PRKAA1: variants seen among roughly 807,000 people sequenced by gnomAD.
The protein encoded by PRKAA1 is protein kinase AMP-activated catalytic subunit alpha 1, also known as 5'-AMP-activated protein kinase catalytic subunit alpha-1.
In PRKAA1, 23 loss-of-function variants were observed where a neutral mutation model predicts 56.9. That is an observed-to-expected ratio of 0.40 (90% CI 0.29 to 0.57). PRKAA1 has a LOEUF of 0.57. Among genes scored for constraint, PRKAA1 ranks in the 20% least tolerant of loss-of-function variants. The probability of loss-of-function intolerance (pLI) is 0.39; values close to 1 mark genes in which losing one functional copy is unlikely to be tolerated. For synonymous variants in PRKAA1, 226 were observed against 227.0 expected (o/e 1.00, Z 0.04); for missense variants, 413 against 679.7 (o/e 0.61, Z 4.36).
At chr5:40,795,458 ACAT>A (rs1381574223) in intron 1 of PRKAA1, among the ~76,000 whole-genome samples, 3 of 152,174 alleles carry the variant, frequency 2.0e-5, no homozygotes, top group Non-Finnish European at 2.9e-5. Flanking sequence ...TTGCACACAC[ACAT>A]CAAAGGGTGG....
chr5:40,771,939 T>A (rs1378681986), intron 3 of PRKAA1, 76 bp from the exon 4 acceptor site: 4 of 1,509,532 alleles, frequency 2.6e-6, no homozygotes, highest in African/African-American at 2.8e-5. Flanking sequence ...CTCCAACCTA[T>A]AAAATTGTCA....
chr5:40,785,878 A>AGAGAGAGGGAGAGAGAGC (rs1454892834), intron 1 of PRKAA1, among the ~76,000 whole-genome samples: 19 of 149,154 alleles, frequency 1.3e-4, no homozygotes, highest in African/African-American at 4.4e-4. Flanking sequence ...AGAGAGAGAG[A>AGAGAGAGGGAGAGAGAGC]GCAAGCGAGC....
At chr5:40,789,035 A>G (rs1744611781) in intron 1 of PRKAA1, among the ~76,000 whole-genome samples, 1 of 151,954 alleles carries the variant, frequency 6.6e-6, no homozygotes, top group Non-Finnish European at 1.5e-5. Flanking sequence ...ACACAGTGAG[A>G]CCTTGTCTCT....
chr5:40,769,439 A>G lies in PRKAA1; in HGVS notation c.573T>C (p.Ala191=), dbSNP rs1473180048. The change falls in exon 5 of 9, where the codon GCT becomes GCC. Residue 191 remains alanine, a synonymous_variant. Transcript: ENST00000397128. ...LRTSCGSPNY[A]APEVISGRLY... ...ACCTTCCTGAAATTACTTCTGGTGC[A>G]GCATAGTTGGGTGAGCCACAACTTG... 2.5e-6 allele frequency: 4 copies of G among 1,610,532 alleles called. No homozygotes were observed. Among genetic ancestry groups the G allele is most frequent in the Non-Finnish European group, 3.4e-6 (4 of 1,177,682 alleles).
chr5:40,775,923 TAGAG>T (rs977543939), intron 2 of PRKAA1, among the ~76,000 whole-genome samples: 2 of 151,974 alleles, frequency 1.3e-5, no homozygotes, highest in African/African-American at 4.8e-5. Flanking sequence ...CGAGGAATAT[TAGAG>T]AGAAATAGGA....
chr5:40,797,918 G>T (rs985454473), intron 1 of PRKAA1, 145 bp downstream of exon 1: 15 of 1,399,642 alleles, frequency 1.1e-5, no homozygotes, highest in Non-Finnish European at 1.3e-5. Context: ...CGGCGGCTGG[G>T]GAGAGCTCCC....
At chr5:40,785,589 T>TC (rs985494311) in intron 1 of PRKAA1, among the ~76,000 whole-genome samples, 1 of 151,766 alleles carries the variant, frequency 6.6e-6, no homozygotes, top group African/African-American at 2.4e-5. Context: ...TAAAAGTTAC[T>TC]CAAAAACTAA....
Position 40,769,384 on chromosome 5 carries a change from T to A in PRKAA1, c.596+32A>T, listed in dbSNP as rs969171873. The stretch of plus-strand genomic sequence containing the variant: ...TCTAGGAGAAAAAGACAATTTCAAA[T>A]GTATTGAGGGAGGCAGGGTATCAAA... On this transcript the variant is annotated intron_variant, in intron 5 of 8. Coordinates refer to ENST00000397128, the MANE Select transcript of PRKAA1 (RefSeq NM_006251.6). 4 of 1,485,608 alleles carry A rather than the reference T, an allele frequency of 2.7e-6. No homozygotes were observed. The African/African-American group carries it at 5.6e-5, about 21-fold the overall frequency. The allele number at this position is 1,485,608 out of a possible 1,614,324, so 92.0% of individuals were successfully genotyped here. A position where few individuals can be genotyped will look rare whatever the true frequency, so the allele number is the denominator to read the frequency against.
At chr5:40,784,346 T>C (rs1744383012) in intron 1 of PRKAA1, among the ~76,000 whole-genome samples, 1 of 152,142 alleles carries the variant, frequency 6.6e-6, no homozygotes, top group African/African-American at 2.4e-5. Flanking sequence ...CCCATTCCCA[T>C]ATACTTCAAT....
At chr5:40,771,578 T>C (rs1743749288) in intron 4 of PRKAA1, 141 bp downstream of exon 4, 4 of 783,072 alleles carry the variant, frequency 5.1e-6, no homozygotes, top group African/African-American at 1.8e-5. Context: ...TGTATCTTCA[T>C]AGACAAAACA....
At chr5:40,765,912 T>C (rs1743411160) in intron 6 of PRKAA1, among the ~76,000 whole-genome samples, 2 of 152,058 alleles carry the variant, frequency 1.3e-5, no homozygotes, top group Non-Finnish European at 2.9e-5. Context: ...ACCTGAACTA[T>C]GTCACTTTGC....
intron 6 of PRKAA1, among the ~76,000 whole-genome samples, chr5:40,766,748 C>T (rs1194511136): frequency 6.6e-6 from 1 of 152,090 alleles, no homozygotes; most frequent in Admixed American, 6.6e-5. Context: ...CCTGTAATCC[C>T]AACACTGGGA....
rs1439339072 is a variant in PRKAA1, at chr5:40,765,251, T to C, written c.822-13A>G. The C allele has an allele frequency of 6.3e-6, 10 of 1,596,894 alleles. No individual in the cohort carries two copies. The highest frequency in any genetic ancestry group is 2.3e-5 in the South Asian group (2 of 87,934). On this transcript the variant is annotated splice_polypyrimidine_tract_variant and intron_variant, in intron 6 of 8. Transcript: ENST00000397128. ...CCATTCATGTTCCCTGAGAGAAAAA[T>C]GGCAGGATCAGGAGAAGGACTTTGA...
At chr5:40,793,312 C>T (rs185916523) in intron 1 of PRKAA1, among the ~76,000 whole-genome samples, 1 of 151,948 alleles carries the variant, frequency 6.6e-6, no homozygotes, top group Admixed American at 6.6e-5. Context: ...AAAAAAGATG[C>T]CTTGGAAACA....
Position 40,777,506 on chromosome 5 carries a change from C to G in PRKAA1, c.208G>C (p.Gly70Arg), listed in dbSNP as rs1744066385. ...RQKIRSLDVV[G>R]KIRREIQNLK... ...TTCTGAATTTCTCTGCGGATTTTTC[C>G]TACCACATCAAGGCTCCGAATCTTC... The change falls in exon 2 of 9, where the codon GGA becomes CGA. Residue 70 changes from glycine to arginine, a missense_variant. By Grantham distance (125) the Gly-to-Arg change is moderately radical. This residue lies in a region of PRKAA1 where 16 missense variants were observed against 30.9 expected (regional missense o/e 0.52). Transcript: ENST00000397128. The G allele has an allele frequency of 1.2e-6, 2 of 1,613,594 alleles. No individual in the cohort carries two copies. Among genetic ancestry groups the G allele is most frequent in the African/African-American group, 2.7e-5 (2 of 74,910 alleles).
chr5:40,764,746 T>A lies in PRKAA1; in HGVS notation c.1308+6A>T. On this transcript the variant is annotated splice_donor_region_variant and intron_variant, in intron 7 of 8. Coordinates refer to ENST00000397128, the MANE Select transcript of PRKAA1 (RefSeq NM_006251.6). ...GCTAATAATCAAAATGTTATTTCTT[T>A]CTTACCTTCCATTCATAATCCAATT... 1 of 1,606,596 alleles carries A rather than the reference T, an allele frequency of 6.2e-7. No homozygotes were observed. Among genetic ancestry groups the A allele is most frequent in the Middle Eastern group, 1.7e-4 (1 of 6,026 alleles).
intron 3 of PRKAA1, among the ~76,000 whole-genome samples, chr5:40,772,080 A>T (rs1218377255): frequency 1.3e-5 from 2 of 152,218 alleles, no homozygotes; most frequent in African/African-American, 4.8e-5. Flanking sequence ...AGTTTCTAAT[A>T]TTATCATTTG....
intron 1 of PRKAA1, among the ~76,000 whole-genome samples, chr5:40,786,891 G>A (rs1744514710): frequency 6.7e-6 from 1 of 150,134 alleles, no homozygotes; most frequent in Non-Finnish European, 1.5e-5. Flanking sequence ...AGAGCAGGCA[G>A]AGGTTGCAGT....
chr5:40,797,594 C>T (rs1744983874), intron 1 of PRKAA1, among the ~76,000 whole-genome samples: 1 of 152,228 alleles, frequency 6.6e-6, no homozygotes, highest in African/African-American at 2.4e-5. Context: ...GCCGGTAAAT[C>T]GACAGCCTCC....
Sources: gnomAD v4.1 joint callset for allele counts (sites outside exome capture counted in the v4.1 genomes callset) on GRCh38, gnomAD v4.1.1 for gene constraint, gnomAD v4.1.1 regional missense constraint, MANE v1.5 for transcripts, NCBI Gene and HGNC (gene_info 2026-07-23, HGNC 2026-07-21) for gene names.